The following JADE2 variants were observed in gnomAD, a reference collection of about 807,000 sequenced individuals.
The protein encoded by JADE2 is E3 ubiquitin-protein ligase Jade-2.
JADE2 carries 13 observed loss-of-function variants against 85.7 expected under a neutral mutation model. The observed-to-expected ratio is 0.15, with a 90% confidence interval of 0.10 to 0.24. The LOEUF (loss-of-function observed/expected upper bound fraction) is 0.24, where lower values mean the gene tolerates loss of function less well. Among genes scored for constraint, JADE2 ranks in the 10% least tolerant of loss-of-function variants. JADE2 has a pLI of 1.00. For synonymous variants in JADE2, 440 were observed against 456.1 expected (o/e 0.96, Z 0.45); for missense variants, 846 against 1,115.9 (o/e 0.76, Z 3.45).
At chr5:134,552,279 G>A (rs1323600531) in intron 4 of JADE2, 70 bp downstream of exon 4, 1 of 1,427,374 alleles carries the variant, frequency 7.0e-7, no homozygotes, top group Non-Finnish European at 9.5e-7. Context: ...TTCCAGGTTA[G>A]GTGACCTGCC....
chr5:134,541,838 C>A (rs1272300912), intron 3 of JADE2, among the ~76,000 whole-genome samples: 1 of 152,224 alleles, frequency 6.6e-6, no homozygotes, highest in South Asian at 2.1e-4. Context: ...GGGCGCAAGC[C>A]AAGGGGCACT....
At chr5:134,569,924 C>T (rs1293983965) in intron 9 of JADE2, among the ~76,000 whole-genome samples, 1 of 152,226 alleles carries the variant, frequency 6.6e-6, no homozygotes, top group East Asian at 1.9e-4. Flanking sequence ...TCACCACCTC[C>T]AGCTGCTCCC....
chr5:134,535,625 C>T (rs1050205443), intron 1 of JADE2, among the ~76,000 whole-genome samples: 6 of 151,590 alleles, frequency 4.0e-5, no homozygotes, highest in Admixed American at 3.9e-4. Flanking sequence ...GACCCTTGCT[C>T]AACCAAGGGC....
In JADE2 at chr5:134,580,456, C is replaced by G. The variant is rs907125770; in HGVS notation, c.*1139C>G. 7 of 141,760 alleles carry G rather than the reference C, an allele frequency of 4.9e-5. No individual in the cohort carries two copies. The highest frequency in any genetic ancestry group is 1.4e-4 in the Admixed American group (2 of 14,240). The allele number at this position is 141,760 out of a possible 1,614,324, so 8.8% of individuals were successfully genotyped here. Reference sequence around the variant, plus strand: ...CCCCCGTCCTGCCATCCCCCCCCGCCGTCCTGCCTTCCCCACCCCACCCTT... The same window carrying G: ...CCCCCGTCCTGCCATCCCCCCCCGCGGTCCTGCCTTCCCCACCCCACCCTT... On this transcript the variant is annotated 3_prime_UTR_variant, in exon 12 of 12. Coordinates refer to ENST00000681547, the MANE Select transcript of JADE2 (RefSeq NM_001388185.1).
rs905428004 is a variant in JADE2, at chr5:134,582,196, A to G, written c.*2879A>G. 1 of 152,296 alleles carries G rather than the reference A, an allele frequency of 6.6e-6. No individual in the cohort carries two copies. The highest frequency in any genetic ancestry group is 1.5e-5 in the Non-Finnish European group (1 of 68,064). The allele number at this position is 152,296 out of a possible 1,614,324, so 9.4% of individuals were successfully genotyped here. ...GATAATGTGCAAGAAAAGTATTTTT[A>G]TGTATCATAAATGTATTTTGAAACA... On this transcript the variant is annotated 3_prime_UTR_variant, in exon 12 of 12. Coordinates refer to ENST00000681547, the MANE Select transcript of JADE2 (RefSeq NM_001388185.1).
chr5:134,574,584 G>A lies in JADE2; in HGVS notation c.1552+822G>A, dbSNP rs1442825918. Reference sequence around the variant, plus strand: ...TGAGCCACCGTTGGAGCAAATGACTGAGGACCTCTGCTGCCCCTACTTCTG... The same window carrying A: ...TGAGCCACCGTTGGAGCAAATGACTAAGGACCTCTGCTGCCCCTACTTCTG... On this transcript the variant is annotated intron_variant, in intron 10 of 11. Transcript: ENST00000681547. 3 of 152,540 alleles carry A rather than the reference G, an allele frequency of 2.0e-5. No homozygotes were observed. The East Asian group carries it at 5.8e-4, about 29-fold the overall frequency. 9.4% of individuals were successfully genotyped at this position (152,540 alleles called of 1,614,324 possible). A position where few individuals can be genotyped will look rare whatever the true frequency, so the allele number is the denominator to read the frequency against.
At chr5:134,576,952 T>C in intron 11 of JADE2, 56 bp downstream of exon 11, 17 of 1,489,312 alleles carry the variant, frequency 1.1e-5, no homozygotes, top group Non-Finnish European at 1.5e-5. Flanking sequence ...TCACCACGCT[T>C]GCAGCTCTGT....
chr5:134,553,720 T>C (rs925606981), intron 4 of JADE2, among the ~76,000 whole-genome samples: 4 of 152,220 alleles, frequency 2.6e-5, no homozygotes, highest in Non-Finnish European at 5.9e-5. Flanking sequence ...GTGCCTGGCA[T>C]ACAGCAGATG....
At chr5:134,565,202 G>A (rs1763562937) in intron 8 of JADE2, among the ~76,000 whole-genome samples, 1 of 152,212 alleles carries the variant, frequency 6.6e-6, no homozygotes, top group Non-Finnish European at 1.5e-5. Context: ...TGGGAGTGCA[G>A]GGGGGAGTCA....
intron 3 of JADE2, among the ~76,000 whole-genome samples, chr5:134,547,695 G>A (rs1374713041): frequency 6.6e-6 from 1 of 152,234 alleles, no homozygotes; most frequent in African/African-American, 2.4e-5. Flanking sequence ...CTTTTGGAAG[G>A]CATGGAGTAC....
chr5:134,538,421 G>A (rs1265515777), intron 3 of JADE2, among the ~76,000 whole-genome samples: 1 of 152,236 alleles, frequency 6.6e-6, no homozygotes, highest in Admixed American at 6.5e-5. Context: ...AGAGCTGGGT[G>A]GTAGCAGTGG....
At chr5:134,535,802 A>C in intron 1 of JADE2, 56 bp from the exon 2 acceptor site, 1 of 1,483,404 alleles carries the variant, frequency 6.7e-7, no homozygotes, top group Non-Finnish European at 9.4e-7. Context: ...ATTTTCTGAG[A>C]GGTTGAGGAT....
chr5:134,531,926 C>T (rs1384480671), intron 1 of JADE2, among the ~76,000 whole-genome samples: 1 of 111,858 alleles, frequency 8.9e-6, no homozygotes. Context: ...GACAGGGTGT[C>T]ACTCTGTCAC....
At chr5:134,538,139 C>A in intron 3 of JADE2, 56 bp downstream of exon 3, 2 of 1,373,106 alleles carry the variant, frequency 1.5e-6, no homozygotes, top group Non-Finnish European at 2.1e-6. Flanking sequence ...AGCTGCCCTG[C>A]GGAGACTGGG....
chr5:134,575,461 GGAAGA>G (rs1315387404), intron 10 of JADE2: 1 of 152,322 alleles, frequency 6.6e-6, no homozygotes, highest in East Asian at 1.9e-4. Flanking sequence ...CCAGGCAGAA[GGAAGA>G]CTCCTAAAGT....
Position 134,552,034 on chromosome 5 carries a change from C to A in JADE2, c.154-18C>A. The stretch of plus-strand genomic sequence containing the variant: ...TGAGGCAGTCTGAAGTCACTCTTTC[C>A]CCTCTTGCCCCTCACAGGTTTTCCG... On this transcript the variant is annotated intron_variant, in intron 3 of 11. Coordinates refer to ENST00000681547, the MANE Select transcript of JADE2 (RefSeq NM_001388185.1). The A allele has an allele frequency of 6.2e-7, 1 of 1,613,956 alleles. No individual in the cohort carries two copies. Among genetic ancestry groups the A allele is most frequent in the African/African-American group, 1.3e-5 (1 of 74,908 alleles).
intron 4 of JADE2, among the ~76,000 whole-genome samples, chr5:134,559,601 C>T (rs1763199215): frequency 6.6e-6 from 1 of 152,200 alleles, no homozygotes; most frequent in Admixed American, 6.5e-5. Context: ...CCCTACTGCC[C>T]TTTGGGTTTT....
At position 134,535,954 on chromosome 5, in the gene JADE2, T is replaced by C. The variant is rs1214415885; in HGVS notation, c.58+39T>C. On this transcript the variant is annotated intron_variant, in intron 2 of 11. Transcript: ENST00000681547. ...GTTTGGGCTCCTACAGGGAAAGCAT[T>C]TGAACAGTGATCAGGCCCACAGGCC... The C allele has an allele frequency of 3.8e-6, 6 of 1,573,416 alleles. No homozygotes were observed. The Admixed American group carries it at 8.3e-5, about 22-fold the overall frequency.
chr5:134,528,094 C>G (rs1760985919), intron 1 of JADE2, among the ~76,000 whole-genome samples: 1 of 152,060 alleles, frequency 6.6e-6, no homozygotes, highest in African/African-American at 2.4e-5. Flanking sequence ...GAAGGAGGAC[C>G]CCTGAGCTCT....
Sources: allele counts gnomAD v4.1 joint callset (sites outside exome capture counted in the v4.1 genomes callset), GRCh38; gene constraint gnomAD v4.1.1; transcripts MANE v1.5; gene names NCBI Gene and HGNC (gene_info 2026-07-23, HGNC 2026-07-21).